Variants in RALGAPA2 observed in about 807,000 individuals in gnomAD.
RALGAPA2 encodes the protein Ral GTPase activating protein catalytic subunit alpha 2.
RALGAPA2 carries 139 observed loss-of-function variants against 230.4 expected under a neutral mutation model. That is an observed-to-expected ratio of 0.60 (90% CI 0.53 to 0.69). The LOEUF (loss-of-function observed/expected upper bound fraction) is 0.69, where lower values mean the gene tolerates loss of function less well. Ranked by LOEUF, RALGAPA2 falls within the 30% of genes least tolerant of loss-of-function variation. The probability of loss-of-function intolerance (pLI) is 0.00; values close to 1 mark genes in which losing one functional copy is unlikely to be tolerated. For missense variants in RALGAPA2, 2,163 were observed against 2,276.0 expected, an observed-to-expected ratio of 0.95 and a Z score of 1.01; for synonymous variants, 847 against 837.8, an observed-to-expected ratio of 1.01 and a Z score of -0.19.
intron 37 of RALGAPA2, among the ~76,000 whole-genome samples, chr20:20,414,491 G>A (rs1300398678): frequency 1.3e-5 from 2 of 152,082 alleles, no homozygotes. Context: ...ACCTACAAAG[G>A]GACGTTTTGC....
chr20:20,640,806 C>T lies in RALGAPA2; in HGVS notation c.445G>A (p.Val149Ile). Residue 149 changes from valine (V) to isoleucine (I), a missense_variant, in exon 6 of 40, where the codon GTT (valine) becomes ATT (isoleucine). Val to Ile is a conservative substitution (Grantham distance 29, BLOSUM62 3). Coordinates refer to ENST00000202677, the MANE Select transcript of RALGAPA2 (RefSeq NM_020343.4). The stretch of plus-strand genomic sequence containing the variant: ...GGCACCAGGCAAGCAAAAATCAGAA[C>T]CTGCTCTTCTGCACAGTTTGTCTGA... Reference protein sequence around the residue: ...ALQTNCAEEQVLIFACLVPGF... With the variant: ...ALQTNCAEEQILIFACLVPGF... 1 of 1,613,826 alleles carries T rather than the reference C, an allele frequency of 6.2e-7. No homozygotes were observed. Among genetic ancestry groups the T allele is most frequent in the Non-Finnish European group, 8.5e-7 (1 of 1,179,800 alleles).
At chr20:20,685,837 G>A (rs915315319) in intron 1 of RALGAPA2, among the ~76,000 whole-genome samples, 2 of 152,050 alleles carry the variant, frequency 1.3e-5, no homozygotes, top group Non-Finnish European at 2.9e-5. Context: ...ATGGGAACCC[G>A]CCTTTGAAGG....
At chr20:20,671,956 A>C (rs917376031) in intron 3 of RALGAPA2, among the ~76,000 whole-genome samples, 1 of 152,218 alleles carries the variant, frequency 6.6e-6, no homozygotes, top group Non-Finnish European at 1.5e-5. Flanking sequence ...GGAAGAAGAA[A>C]GGAGGCAGAA....
At chr20:20,498,479 T>C (rs997938713) in intron 35 of RALGAPA2, among the ~76,000 whole-genome samples, 4 of 152,250 alleles carry the variant, frequency 2.6e-5, no homozygotes, top group African/African-American at 9.6e-5. Context: ...CCGGTCATGG[T>C]ACACACCTAA....
chr20:20,589,029 C>T (rs554321164), intron 18 of RALGAPA2, among the ~76,000 whole-genome samples: 3 of 152,242 alleles, frequency 2.0e-5, no homozygotes, highest in African/African-American at 7.2e-5. Flanking sequence ...CAGTGCCATA[C>T]ACAGACCAGG....
intron 23 of RALGAPA2, among the ~76,000 whole-genome samples, chr20:20,554,614 T>C (rs1472754040): frequency 2.0e-5 from 3 of 152,136 alleles, no homozygotes; most frequent in Non-Finnish European, 4.4e-5. Context: ...ACTTCTTTAA[T>C]TTTTTAAATT....
chr20:20,637,309 G>C (rs922474024), intron 8 of RALGAPA2, 54 bp downstream of exon 8: 6 of 1,387,834 alleles, frequency 4.3e-6, no homozygotes, highest in Non-Finnish European at 5.8e-6. Context: ...CTTTGAAAGA[G>C]ACTGCATAGC....
At chr20:20,493,819 CTT>C (rs1362171735) in intron 36 of RALGAPA2, among the ~76,000 whole-genome samples, 1 of 152,086 alleles carries the variant, frequency 6.6e-6, no homozygotes, top group Non-Finnish European at 1.5e-5. Flanking sequence ...AAACTGAAAA[CTT>C]CACGCACATG....
rs1177222184 is a variant in RALGAPA2 at position 20,712,518 on chromosome 20, T to G, written c.-38A>C. 2.6e-6 allele frequency: 4 copies of G among 1,528,938 alleles called. No homozygotes were observed. Among genetic ancestry groups the G allele is most frequent in the African/African-American group, 1.4e-5 (1 of 70,494 alleles). The allele number at this position is 1,528,938 out of a possible 1,614,324, so 94.7% of individuals were successfully genotyped here. The stretch of plus-strand genomic sequence containing the variant: ...AGCCCGGGCCCCGCCGGCGGGGCAG[T>G]AGGCGCCTGCGCCACGCGAATCAAA... On this transcript the variant is annotated 5_prime_UTR_variant, in exon 1 of 40. Transcript: ENST00000202677. The surrounding 1 kb of genome is among the most constrained non-coding windows in gnomAD (Gnocchi z 5.5).
At chr20:20,491,729 ATTTCT>A (rs1478479230) in intron 36 of RALGAPA2, among the ~76,000 whole-genome samples, 14 of 152,102 alleles carry the variant, frequency 9.2e-5, no homozygotes, top group African/African-American at 3.1e-4. Flanking sequence ...ACAATAACAC[ATTTCT>A]TTTCTGTGAC....
intron 37 of RALGAPA2, among the ~76,000 whole-genome samples, chr20:20,434,751 C>G (rs1010569148): frequency 1.3e-5 from 2 of 152,024 alleles, no homozygotes; most frequent in African/African-American, 4.8e-5. Context: ...GTCTGGACAA[C>G]GTGATGAGAC....
At chr20:20,556,053 C>T (rs2064073509) in intron 23 of RALGAPA2, among the ~76,000 whole-genome samples, 1 of 152,068 alleles carries the variant, frequency 6.6e-6, no homozygotes, top group Admixed American at 6.6e-5. Flanking sequence ...AAAGCCAGAG[C>T]CAGAACTTGT....
intron 1 of RALGAPA2, among the ~76,000 whole-genome samples, chr20:20,691,677 T>A (rs1009193599): frequency 6.6e-6 from 1 of 152,208 alleles, no homozygotes; most frequent in Non-Finnish European, 1.5e-5. Flanking sequence ...CAATAGCAGA[T>A]ACCCATGTAA....
intron 23 of RALGAPA2, among the ~76,000 whole-genome samples, chr20:20,551,260 T>C (rs1232369602): frequency 2.0e-5 from 3 of 152,350 alleles, no homozygotes; most frequent in African/African-American, 4.8e-5. Context: ...AACTAAACAA[T>C]AGGCTCAATG....
At chr20:20,594,820 C>G (rs2065402057) in intron 16 of RALGAPA2, among the ~76,000 whole-genome samples, 1 of 151,558 alleles carries the variant, frequency 6.6e-6, no homozygotes, top group African/African-American at 2.4e-5. Flanking sequence ...GCTCCACCTC[C>G]CAAGTTCATG....
intron 23 of RALGAPA2, among the ~76,000 whole-genome samples, chr20:20,565,073 C>T (rs1426767948): frequency 6.6e-6 from 1 of 152,124 alleles, no homozygotes; most frequent in East Asian, 1.9e-4. Flanking sequence ...ACTTTATCTG[C>T]TAGTGTTGAG....
At chr20:20,503,537 G>A (rs747073648) in intron 34 of RALGAPA2, 31 bp from the exon 35 acceptor site, 1 of 1,475,378 alleles carries the variant, frequency 6.8e-7, no homozygotes, top group Non-Finnish European at 9.0e-7. Flanking sequence ...GAAAGAGTGA[G>A]GATCAAAAAT....
intron 1 of RALGAPA2, among the ~76,000 whole-genome samples, chr20:20,707,563 C>T (rs1044648294): frequency 1.3e-5 from 2 of 152,182 alleles, no homozygotes; most frequent in African/African-American, 4.8e-5. Context: ...ACAGTTACAA[C>T]TGTAAGTCAA....
At chr20:20,468,279 C>T (rs1215683706) in intron 37 of RALGAPA2, among the ~76,000 whole-genome samples, 1 of 152,150 alleles carries the variant, frequency 6.6e-6, no homozygotes, top group Non-Finnish European at 1.5e-5. Context: ...CCCACTACAG[C>T]TATATTTTGC....
Sources: gnomAD v4.1 joint callset for allele counts (sites outside exome capture counted in the v4.1 genomes callset) on GRCh38, gnomAD v4.1.1 for gene constraint, Gnocchi (gnomAD v3.1) non-coding constraint, MANE v1.5 for transcripts, NCBI Gene and HGNC (gene_info 2026-07-23, HGNC 2026-07-21) for gene names.